The following SOX6 variants were observed in gnomAD, a reference collection of about 807,000 sequenced individuals.
SOX6 encodes the protein SRY-box transcription factor 6, also known as transcription factor SOX-6.
In SOX6, 11 loss-of-function variants were observed where a neutral mutation model predicts 97.8. That is an observed-to-expected ratio of 0.11 (90% CI 0.07 to 0.19). SOX6 has a LOEUF of 0.19. Among genes scored for constraint, SOX6 ranks in the 10% least tolerant of loss-of-function variants. SOX6 has a pLI of 1.00. For synonymous variants in SOX6, 360 were observed against 371.4 expected (o/e 0.97, Z 0.35); for missense variants, 810 against 1,039.5 (o/e 0.78, Z 3.04).
chr11:16,561,526 C>A (rs1452075191), intron 4 of SOX6, among the ~76,000 whole-genome samples: 14 of 152,072 alleles, frequency 9.2e-5, no homozygotes. Context: ...ATGGTTATAT[C>A]CCCTGACTTA....
intron 2 of SOX6, among the ~76,000 whole-genome samples, chr11:16,735,140 T>C (rs919590993): frequency 6.6e-6 from 1 of 152,128 alleles, no homozygotes; most frequent in African/African-American, 2.4e-5. Flanking sequence ...GGAGAAGTAT[T>C]AGAAAACAGG....
At chr11:16,649,889 C>T (rs1029356707) in intron 3 of SOX6, among the ~76,000 whole-genome samples, 45 of 152,078 alleles carry the variant, frequency 3.0e-4, no homozygotes, top group Admixed American at 2.9e-3. Flanking sequence ...CTTCAAGAGA[C>T]TCACCCAACA....
At chr11:16,678,617 C>G (rs1847902534) in intron 3 of SOX6, among the ~76,000 whole-genome samples, 1 of 152,068 alleles carries the variant, frequency 6.6e-6, no homozygotes, top group African/African-American at 2.4e-5. Flanking sequence ...TGGGTACAAC[C>G]CAAGGATGGC....
At chr11:16,137,006 T>C (rs546856088) in intron 6 of SOX6, among the ~76,000 whole-genome samples, 3 of 152,336 alleles carry the variant, frequency 2.0e-5, no homozygotes, top group South Asian at 4.1e-4. Flanking sequence ...CTACACTGTC[T>C]AAGAAAAACT....
chr11:16,397,901 T>C (rs953408626), intron 1 of SOX6, among the ~76,000 whole-genome samples: 3 of 151,548 alleles, frequency 2.0e-5, no homozygotes, highest in Non-Finnish European at 4.4e-5. Context: ...TATATGCAGA[T>C]AAACAAAACT....
intron 3 of SOX6, among the ~76,000 whole-genome samples, chr11:16,674,063 G>A (rs571679585): frequency 1.1e-4 from 17 of 151,834 alleles, no homozygotes; most frequent in East Asian, 5.9e-4. Flanking sequence ...GGTGGCGGGC[G>A]CCTGTAGTCC....
At chr11:16,121,521 T>C (rs1031032255) in intron 6 of SOX6, among the ~76,000 whole-genome samples, 8 of 151,982 alleles carry the variant, frequency 5.3e-5, no homozygotes, top group Non-Finnish European at 8.8e-5. Flanking sequence ...GGTAGTGGTA[T>C]TAGGTTTGTT....
intron 1 of SOX6, among the ~76,000 whole-genome samples, chr11:16,438,897 A>C (rs2133083787): frequency 6.6e-6 from 1 of 152,244 alleles, no homozygotes; most frequent in Admixed American, 6.5e-5. Context: ...ATGCCACAGA[A>C]GTAACCTTAT....
intron 9 of SOX6, among the ~76,000 whole-genome samples, chr11:16,083,790 C>A (rs1848522964): frequency 6.6e-6 from 1 of 152,132 alleles, no homozygotes; most frequent in Admixed American, 6.6e-5. Context: ...CAAACATTTT[C>A]TTATGTATTC....
chr11:16,007,017 G>A (rs1167768261), intron 13 of SOX6, among the ~76,000 whole-genome samples: 5 of 151,728 alleles, frequency 3.3e-5, no homozygotes, highest in East Asian at 2.0e-4. Context: ...CAGATAGTGA[G>A]TGCAGGCAGT....
chr11:16,352,099 G>A (rs1856961630), intron 1 of SOX6, among the ~76,000 whole-genome samples: 1 of 151,998 alleles, frequency 6.6e-6, no homozygotes, highest in African/African-American at 2.4e-5. Flanking sequence ...TTCTGGGGGT[G>A]TCTCCTCTTT....
intron 12 of SOX6, among the ~76,000 whole-genome samples, chr11:16,042,454 C>A (rs1473063480): frequency 6.6e-6 from 1 of 152,060 alleles, no homozygotes; most frequent in African/African-American, 2.4e-5. Flanking sequence ...TTATTTATTA[C>A]CTGCTTTATT....
At chr11:16,107,605 A>C (rs1292209697) in intron 7 of SOX6, among the ~76,000 whole-genome samples, 2 of 151,776 alleles carry the variant, frequency 1.3e-5, no homozygotes, top group African/African-American at 4.8e-5. Flanking sequence ...AGAGAAAAAT[A>C]ATAGAATAGA....
intron 1 of SOX6, among the ~76,000 whole-genome samples, chr11:16,426,536 G>C (rs1350478897): frequency 1.3e-5 from 2 of 152,004 alleles, no homozygotes; most frequent in Non-Finnish European, 2.9e-5. Flanking sequence ...TGACAAACGT[G>C]ACAAAAACAA....
At chr11:16,683,164 T>A (rs533695132) in intron 3 of SOX6, among the ~76,000 whole-genome samples, 16 of 152,180 alleles carry the variant, frequency 1.1e-4, no homozygotes, top group African/African-American at 3.9e-4. Context: ...ACTGCCCAAG[T>A]TAATTTATAG....
chr11:16,432,234 G>C (rs17555513), intron 1 of SOX6, among the ~76,000 whole-genome samples: 1 of 151,866 alleles, frequency 6.6e-6, no homozygotes, highest in African/African-American at 2.4e-5. Flanking sequence ...AAATATCTGC[G>C]CCCCACTGAG....
At chr11:16,518,420 G>A (rs778923040) in intron 4 of SOX6, among the ~76,000 whole-genome samples, 22 of 152,060 alleles carry the variant, frequency 1.4e-4, no homozygotes, top group Non-Finnish European at 2.6e-4. Context: ...GATAGCATGC[G>A]CTTTATACTT....
chr11:16,664,835 G>C (rs1044212564), intron 3 of SOX6, among the ~76,000 whole-genome samples: 2 of 152,066 alleles, frequency 1.3e-5, no homozygotes, highest in Admixed American at 6.5e-5. Flanking sequence ...AGAGTACTTT[G>C]TCTTGCAACT....
intron 4 of SOX6, among the ~76,000 whole-genome samples, chr11:16,595,669 G>A (rs1489456123): frequency 1.5e-4 from 23 of 151,680 alleles, no homozygotes; most frequent in Non-Finnish European, 2.9e-4. Context: ...CAGCTACTCA[G>A]GAGGCTGAGG....
Sources: gnomAD v4.1 joint callset for allele counts (sites outside exome capture counted in the v4.1 genomes callset) on GRCh38, gnomAD v4.1.1 for gene constraint, MANE v1.5 for transcripts, NCBI Gene and HGNC (gene_info 2026-07-23, HGNC 2026-07-21) for gene names.